Variants in TCF12 observed in about 807,000 individuals in gnomAD.
TCF12 encodes the protein transcription factor 12.
A neutral mutation model predicts 86.0 loss-of-function variants in TCF12; 45 were observed. That is an observed-to-expected ratio of 0.52 (90% CI 0.41 to 0.67). The LOEUF (loss-of-function observed/expected upper bound fraction) is 0.67. TCF12 is among the 30% of genes least tolerant of loss of function. The probability of loss-of-function intolerance (pLI) is 0.00; values close to 1 mark genes in which losing one functional copy is unlikely to be tolerated. For synonymous variants in TCF12, 330 were observed against 299.6 expected, an observed-to-expected ratio of 1.10 and a Z score of -1.05; for missense variants, 881 against 859.9, an observed-to-expected ratio of 1.02 and a Z score of -0.31.
chr15:57,191,558 T>C (rs535514331), intron 6 of TCF12, among the ~76,000 whole-genome samples: 15 of 152,304 alleles, frequency 9.8e-5, no homozygotes, highest in African/African-American at 3.6e-4. Flanking sequence ...TTTTCAAAAA[T>C]ATTGATGATT....
At chr15:57,170,715 ATATATAT>A (rs1486706364) in intron 6 of TCF12, among the ~76,000 whole-genome samples, 132 of 11,340 alleles carry the variant, frequency 0.012, 2 homozygotes, top group South Asian at 0.041. Flanking sequence ...AATATATAAT[ATATATAT>A]TATATATTAT....
intron 3 of TCF12, among the ~76,000 whole-genome samples, chr15:56,959,148 A>G (rs57722526): frequency 0.047 from 7,174 of 152,246 alleles, 514 homozygotes; most frequent in East Asian, 0.29. Context: ...TCTTAGGTCC[A>G]ACACAGTGTC....
At chr15:57,153,073 C>T (rs574993692) in intron 5 of TCF12, among the ~76,000 whole-genome samples, 3 of 152,158 alleles carry the variant, frequency 2.0e-5, no homozygotes, top group South Asian at 2.1e-4. Flanking sequence ...TGTGTCAACC[C>T]GGAATTATTT....
intron 3 of TCF12, among the ~76,000 whole-genome samples, chr15:56,990,846 G>C (rs1410508106): frequency 2.6e-5 from 4 of 150,972 alleles, no homozygotes; most frequent in African/African-American, 9.8e-5. Context: ...AGGCTGGAGA[G>C]TGAAGTGGCA....
At chr15:56,996,101 A>G (rs1286841353) in intron 3 of TCF12, among the ~76,000 whole-genome samples, 1 of 152,104 alleles carries the variant, frequency 6.6e-6, no homozygotes, top group African/African-American at 2.4e-5. Context: ...TGATTTGTGT[A>G]TGTTGAACCA....
chr15:57,017,000 T>A (rs1484197015), intron 3 of TCF12, among the ~76,000 whole-genome samples: 1 of 152,158 alleles, frequency 6.6e-6, no homozygotes, highest in East Asian at 1.9e-4. Context: ...ACAGTGGGGA[T>A]AAGGGAACTG....
chr15:57,087,063 CTCCCTCTCTCTCCCTCTGTCTCCCTCTG>C (rs2048689312), intron 4 of TCF12, among the ~76,000 whole-genome samples: 5 of 137,416 alleles, frequency 3.6e-5, no homozygotes, highest in African/African-American at 1.0e-4. Context: ...CTCCCTCTGT[CTCCCTCTCTCTCCCTCTGTCTCCCTCTG>C]TCTCCCTCTC....
At chr15:56,995,542 A>G (rs1489119045) in intron 3 of TCF12, among the ~76,000 whole-genome samples, 2 of 151,808 alleles carry the variant, frequency 1.3e-5, no homozygotes, top group East Asian at 1.9e-4. Context: ...TTGATTAGCT[A>G]TATTCCTAGA....
chr15:57,049,192 G>T (rs181525203), intron 3 of TCF12, among the ~76,000 whole-genome samples: 1 of 152,338 alleles, frequency 6.6e-6, no homozygotes, highest in Non-Finnish European at 1.5e-5. Flanking sequence ...CATGTGATCA[G>T]TTGAGGCATT....
intron 3 of TCF12, among the ~76,000 whole-genome samples, chr15:56,959,272 A>G (rs1235382825): frequency 6.6e-6 from 1 of 152,220 alleles, no homozygotes; most frequent in Non-Finnish European, 1.5e-5. Context: ...GATTTCTGCT[A>G]CGAATATAAT....
intron 4 of TCF12, among the ~76,000 whole-genome samples, chr15:57,070,768 T>A (rs2069302678): frequency 6.6e-6 from 1 of 152,214 alleles, no homozygotes; most frequent in Non-Finnish European, 1.5e-5. Flanking sequence ...TTTTCTAATG[T>A]GCTATCTATA....
chr15:56,966,974 T>C (rs1199224596), intron 3 of TCF12, among the ~76,000 whole-genome samples: 1 of 152,054 alleles, frequency 6.6e-6, no homozygotes, highest in Non-Finnish European at 1.5e-5. Context: ...ATACAAAAAT[T>C]AGCCAGGCAT....
chr15:56,963,808 C>T (rs1281522768), intron 3 of TCF12, among the ~76,000 whole-genome samples: 2 of 152,152 alleles, frequency 1.3e-5, no homozygotes, highest in Non-Finnish European at 2.9e-5. Flanking sequence ...CTAGGCTATG[C>T]CCTGTGTCTC....
At chr15:57,035,215 T>C (rs2066432851) in intron 3 of TCF12, among the ~76,000 whole-genome samples, 1 of 152,092 alleles carries the variant, frequency 6.6e-6, no homozygotes, top group Admixed American at 6.6e-5. Flanking sequence ...GACTTCGGGG[T>C]TTAAACTTCC....
intron 3 of TCF12, among the ~76,000 whole-genome samples, chr15:56,981,922 G>C (rs550282299): frequency 6.6e-6 from 1 of 152,042 alleles, no homozygotes; most frequent in South Asian, 2.1e-4. Context: ...TGGCTGTCTC[G>C]CAGAGGTGGA....
At chr15:56,948,528 A>G (rs779253453) in intron 3 of TCF12, among the ~76,000 whole-genome samples, 1 of 152,230 alleles carries the variant, frequency 6.6e-6, no homozygotes, top group Non-Finnish European at 1.5e-5. Context: ...TTTAAAAACA[A>G]TACCTTGACT....
At chr15:56,956,559 T>C (rs1281776222) in intron 3 of TCF12, among the ~76,000 whole-genome samples, 1 of 152,194 alleles carries the variant, frequency 6.6e-6, no homozygotes, top group African/African-American at 2.4e-5. Flanking sequence ...TAACCTTTTC[T>C]GCAGTAGTGA....
At chr15:57,169,171 C>A (rs1341965967) in intron 6 of TCF12, among the ~76,000 whole-genome samples, 2 of 152,222 alleles carry the variant, frequency 1.3e-5, no homozygotes, top group African/African-American at 4.8e-5. Context: ...GCCTCTGTGA[C>A]ATATCATTAA....
intron 3 of TCF12, among the ~76,000 whole-genome samples, chr15:56,962,393 A>G (rs550515599): frequency 6.6e-6 from 1 of 152,154 alleles, no homozygotes; most frequent in South Asian, 2.1e-4. Flanking sequence ...GTCTACTATA[A>G]CTTTTTTTTG....
Sources: allele counts gnomAD v4.1 joint callset (sites outside exome capture counted in the v4.1 genomes callset), GRCh38; gene constraint gnomAD v4.1.1; transcripts MANE v1.5; gene names NCBI Gene and HGNC (gene_info 2026-07-23, HGNC 2026-07-21).